Variants in MMUT observed in about 807,000 individuals in gnomAD.
MMUT encodes methylmalonyl-CoA mutase, mitochondrial.
Under a neutral mutation model 79.9 loss-of-function variants are expected in MMUT, and 79 were observed. The observed-to-expected ratio is 0.99, with a 90% confidence interval of 0.82 to 1.19. The LOEUF is 1.19. MMUT is among the 50% of genes most tolerant of loss of function. The pLI is 0.00. For missense variants in MMUT, 860 were observed against 917.2 expected, an observed-to-expected ratio of 0.94 and a Z score of 0.81; for synonymous variants, 273 against 295.7, an observed-to-expected ratio of 0.92 and a Z score of 0.79.
chr6:49,460,172 C>G (rs1767804077), intron 1 of MMUT, among the ~76,000 whole-genome samples: 1 of 152,190 alleles, frequency 6.6e-6, no homozygotes, highest in Admixed American at 6.5e-5. Context: ...GGCATTATCT[C>G]CAATTTGCAG....
At chr6:49,435,742 A>G in intron 11 of MMUT, 119 bp from the exon 12 acceptor site, 1 of 1,079,004 alleles carries the variant, frequency 9.3e-7, no homozygotes, top group Non-Finnish European at 1.3e-6. Context: ...AGACTTCATG[A>G]TGAAGATGCC....
In MMUT at chr6:49,441,895, C is replaced by T. The variant is rs1767285918; in HGVS notation, c.1753G>A (p.Gly585Arg). 1 of 1,612,068 alleles carries T rather than the reference C, an allele frequency of 6.2e-7. No individual in the cohort carries two copies. Among genetic ancestry groups the T allele is most frequent in the South Asian group, 1.1e-5 (1 of 91,050 alleles). ...EHKANDRMVS[G>R]AYRQEFGESK... Reference sequence around the variant, plus strand: ...TCTCCAAATTCCTGGCGATATGCTCCACTCACCATTCGATCATTCGCTTTA... The same window carrying T: ...TCTCCAAATTCCTGGCGATATGCTCTACTCACCATTCGATCATTCGCTTTA... The change falls in exon 10 of 13, where the codon GGA becomes AGA. Residue 585 changes from glycine to arginine, a missense_variant. Coordinates refer to ENST00000274813, the MANE Select transcript of MMUT (RefSeq NM_000255.4).
rs371262778 is a variant in MMUT at position 49,434,356 on chromosome 6, G to A, written c.2124+1100C>T. Among the ~76,000 whole-genome samples the A allele has an allele frequency of 6.8e-4, 103 of 152,088 alleles. No individual in the cohort carries two copies. In the South Asian group the frequency reaches 0.011, roughly 17 times the overall value. ...TTGTTCAGTAGCCCCACTTTATTAC[G>A]AATCTCACAACTTTATTCATATGAA... On this transcript the variant is annotated intron_variant, in intron 12 of 12. Coordinates refer to ENST00000274813, the MANE Select transcript of MMUT (RefSeq NM_000255.4).
At chr6:49,440,708 C>T (rs1767252413) in intron 10 of MMUT, among the ~76,000 whole-genome samples, 1 of 152,100 alleles carries the variant, frequency 6.6e-6, no homozygotes, top group Admixed American at 6.6e-5. Context: ...CCATTTCCCC[C>T]TTAGAGGAAA....
intron 12 of MMUT, among the ~76,000 whole-genome samples, chr6:49,432,260 G>T (rs748830685): frequency 1.3e-5 from 2 of 152,088 alleles, no homozygotes; most frequent in Admixed American, 6.5e-5. Context: ...TAGGTATTTT[G>T]TCTGCAGTTA....
chr6:49,443,594 CT>C (rs1330284578), intron 9 of MMUT, among the ~76,000 whole-genome samples: 2 of 151,950 alleles, frequency 1.3e-5, no homozygotes, highest in African/African-American at 4.8e-5. Context: ...TTTCAGACTC[CT>C]TCTGGTTCTT....
chr6:49,451,521 C>A lies in MMUT; in HGVS notation c.1277G>T (p.Gly426Val). ...SGIPKVADPW[G>V]GSYMMECLTN... ...GAGACATTCCATCATGTAAGAACCT[C>A]CCCAAGGATCAGCCACTTTGGGAAT... The change falls in exon 6 of 13, where the codon GGA becomes GTA. Residue 426 changes from glycine (G) to valine (V), a missense_variant. By Grantham distance (109) the Gly-to-Val change is moderately radical. Coordinates refer to ENST00000274813, the MANE Select transcript of MMUT (RefSeq NM_000255.4). 1 of 1,614,076 alleles carries A rather than the reference C, an allele frequency of 6.2e-7. No individual in the cohort carries two copies. The highest frequency in any genetic ancestry group is 8.5e-7 in the Non-Finnish European group (1 of 1,179,998).
intron 11 of MMUT, among the ~76,000 whole-genome samples, chr6:49,437,345 A>C (rs541477843): frequency 5.3e-5 from 8 of 152,266 alleles, no homozygotes; most frequent in Admixed American, 2.0e-4. Flanking sequence ...GACATTACTA[A>C]ATGCAAAGCA....
chr6:49,457,094 G>C (rs1767708022), intron 3 of MMUT, among the ~76,000 whole-genome samples: 1 of 152,238 alleles, frequency 6.6e-6, no homozygotes, highest in Admixed American at 6.5e-5. Context: ...ATGAAATAAT[G>C]ATCTAACTTT....
chr6:49,443,816 A>C, intron 9 of MMUT: 1 of 440,296 alleles, frequency 2.3e-6, no homozygotes, highest in South Asian at 1.6e-5. Flanking sequence ...GGAACACTGA[A>C]GCAGATATAA....
Position 49,448,845 on chromosome 6 carries a change from GCA to G in MMUT, c.1413_1414del (p.Ala472CysfsTer6). 3 of 1,613,368 alleles carry G rather than the reference GCA, an allele frequency of 1.9e-6. No homozygotes were observed. Among genetic ancestry groups the G allele is most frequent in the Non-Finnish European group, 2.5e-6 (3 of 1,179,496 alleles). On this transcript the variant is annotated frameshift_variant, in exon 7 of 13. Transcript: ENST00000274813. LOFTEE classifies it high-confidence loss of function. ...ATCTATTCTAGCTTGTCTTCGGGCA[GCA>G]CATTCTTCAATTCGAAGTTTAGGTA...
At chr6:49,454,699 T>G (rs1767643298) in intron 4 of MMUT, among the ~76,000 whole-genome samples, 1 of 152,258 alleles carries the variant, frequency 6.6e-6, no homozygotes. Flanking sequence ...CCAAAGAATT[T>G]ATTTCTTTAT....
At position 49,435,467 on chromosome 6, in the gene MMUT, T is replaced by G. The variant is rs1192632434; in HGVS notation, c.2113A>C (p.Ile705Leu). The G allele has an allele frequency of 3.7e-6, 6 of 1,613,956 alleles. No individual in the cohort carries two copies. Among genetic ancestry groups the G allele is most frequent in the Non-Finnish European group, 5.1e-6 (6 of 1,179,858 alleles). Residue 705 changes from isoleucine to leucine, a missense_variant, in exon 12 of 13, where the codon ATA (isoleucine) becomes CTA (leucine). By Grantham distance (5) the Ile-to-Leu change is conservative. Transcript: ENST00000274813. ...PDILVMCGGV[I>L]PPQDYEFLFE... Reference sequence around the variant, plus strand: ...GAGATAAAAAATACCTGAGGTGGTATCACCCCTCCACACATGACAAGAATA... The same window carrying G: ...GAGATAAAAAATACCTGAGGTGGTAGCACCCCTCCACACATGACAAGAATA...
At chr6:49,443,251 A>G (rs757940521) in intron 9 of MMUT, among the ~76,000 whole-genome samples, 2 of 152,160 alleles carry the variant, frequency 1.3e-5, no homozygotes, top group Non-Finnish European at 2.9e-5. Flanking sequence ...CAGAGCAAAG[A>G]GTAGGTTTGC....
In MMUT at chr6:49,457,734, G is replaced by T; in HGVS notation, c.710C>A (p.Pro237Gln). Residue 237 changes from proline (P) to glutamine (Q), a missense_variant, in exon 3 of 13, where the codon CCA becomes CAA. Pro to Gln is a moderately conservative substitution (Grantham distance 76). Transcript: ENST00000274813. Reference sequence around the variant, plus strand: ...TATGTCAGCAATAATTTTCATGGATGGTTCTGGAGGAAAAATGTATGTATT... The same window carrying T: ...TATGTCAGCAATAATTTTCATGGATTGTTCTGGAGGAAAAATGTATGTATT... The part of the protein sequence containing the change: ...VRNTYIFPPE[P>Q]SMKIIADIFE... The T allele has an allele frequency of 1.9e-6, 3 of 1,611,828 alleles. No homozygotes were observed. Among genetic ancestry groups the T allele is most frequent in the Non-Finnish European group, 2.5e-6 (3 of 1,178,816 alleles).
At chr6:49,432,866 T>C (rs2127412431) in intron 12 of MMUT, among the ~76,000 whole-genome samples, 1 of 152,238 alleles carries the variant, frequency 6.6e-6, no homozygotes. Context: ...GACAGGACAG[T>C]CTGATTTTTG....
chr6:49,442,037 A>G (rs1767291091), intron 9 of MMUT, 66 bp from the exon 10 acceptor site: 1 of 1,471,186 alleles, frequency 6.8e-7, no homozygotes, highest in Admixed American at 1.7e-5. Flanking sequence ...GTTTACCATA[A>G]TATTCAATAT....
intron 4 of MMUT, among the ~76,000 whole-genome samples, chr6:49,455,299 A>ATGAAAG (rs1767658622): frequency 6.6e-6 from 1 of 152,204 alleles, no homozygotes; most frequent in East Asian, 1.9e-4. Context: ...TCTTGAGAAA[A>ATGAAAG]TGAAAGTGAA....
intron 12 of MMUT, 65 bp from the exon 13 acceptor site, chr6:49,431,921 A>G (rs956335839): frequency 1.0e-5 from 16 of 1,554,734 alleles, no homozygotes; most frequent in African/African-American, 1.4e-5. Context: ...ATAAAACCCT[A>G]TCCTTTCTTC....
Sources: gnomAD v4.1 joint callset for allele counts (sites outside exome capture counted in the v4.1 genomes callset) on GRCh38, gnomAD v4.1.1 for gene constraint, MANE v1.5 for transcripts, NCBI Gene and HGNC (gene_info 2026-07-23, HGNC 2026-07-21) for gene names.